CNTNAP5: variants seen among roughly 807,000 people sequenced by gnomAD.
The protein encoded by CNTNAP5 is contactin-associated protein-like 5.
Under a neutral mutation model 150.2 loss-of-function variants are expected in CNTNAP5, and 72 were observed. The observed-to-expected ratio is 0.48, with a 90% confidence interval of 0.40 to 0.58. CNTNAP5 has a LOEUF of 0.58. Ranked by LOEUF, CNTNAP5 falls within the 20% of genes least tolerant of loss-of-function variation. The pLI, the probability that CNTNAP5 is intolerant of heterozygous loss-of-function variation, is 0.00. For synonymous variants in CNTNAP5, 672 were observed against 619.8 expected (o/e 1.08, Z -1.25); for missense variants, 1,636 against 1,626.2 (o/e 1.01, Z -0.10).
chr2:124,307,754 C>T (rs1013749224), intron 3 of CNTNAP5, among the ~76,000 whole-genome samples: 2 of 152,154 alleles, frequency 1.3e-5, no homozygotes, highest in East Asian at 3.9e-4. Context: ...AGAAGAGATA[C>T]AGGTGGGGAA....
chr2:124,832,919 C>CTT (rs539240335), intron 19 of CNTNAP5, among the ~76,000 whole-genome samples: 1 of 143,204 alleles, frequency 7.0e-6, no homozygotes, highest in East Asian at 2.0e-4. Context: ...TTTTCTTTTC[C>CTT]TTTTTTTTTT....
Position 124,914,497 on chromosome 2 carries a change from C to A in CNTNAP5, c.*209C>A. 1 of 546,864 alleles carries A rather than the reference C, an allele frequency of 1.8e-6. No individual in the cohort carries two copies. 33.9% of individuals were successfully genotyped at this position (546,864 alleles called of 1,614,324 possible). On this transcript the variant is annotated 3_prime_UTR_variant, in exon 24 of 24. Transcript: ENST00000682447. ...GCCACTGCCTTCCTCTCTGATGAAC[C>A]TATCGGGTGAAAACGACCACTCAAG...
At chr2:124,749,375 C>G (rs891939445) in intron 14 of CNTNAP5, among the ~76,000 whole-genome samples, 1 of 148,408 alleles carries the variant, frequency 6.7e-6, no homozygotes, top group Non-Finnish European at 1.5e-5. Flanking sequence ...CCTTCCCTCT[C>G]TCCCTTCCTT....
chr2:124,605,809 CAAAAAAAAAA>C (rs36090348), intron 11 of CNTNAP5, among the ~76,000 whole-genome samples: 1 of 34,432 alleles, frequency 2.9e-5, no homozygotes, highest in Non-Finnish European at 5.1e-5. Context: ...AAGACTCTGT[CAAAAAAAAAA>C]AAAAAAAAAA....
intron 18 of CNTNAP5, among the ~76,000 whole-genome samples, chr2:124,793,074 C>G (rs536524789): frequency 5.9e-5 from 9 of 152,148 alleles, no homozygotes. Flanking sequence ...TTGTGTCAAA[C>G]GGTAACTATA....
intron 12 of CNTNAP5, among the ~76,000 whole-genome samples, chr2:124,647,439 A>C (rs1420544011): frequency 6.6e-6 from 1 of 152,026 alleles, no homozygotes; most frequent in Non-Finnish European, 1.5e-5. Context: ...TTTCTTTCAC[A>C]TTTTCCTCAT....
intron 17 of CNTNAP5, among the ~76,000 whole-genome samples, chr2:124,782,743 A>G (rs953304296): frequency 6.6e-6 from 1 of 152,238 alleles, no homozygotes; most frequent in Non-Finnish European, 1.5e-5. Context: ...CGAAACAGTT[A>G]AGAAGACTGT....
At chr2:124,417,259 T>C (rs889430352) in intron 3 of CNTNAP5, among the ~76,000 whole-genome samples, 184 bp from the exon 4 acceptor site, 1 of 152,144 alleles carries the variant, frequency 6.6e-6, no homozygotes, top group African/African-American at 2.4e-5. Flanking sequence ...TCTTAAAGAA[T>C]AATGTGAAGT....
At chr2:124,183,703 T>C (rs1286607078) in intron 1 of CNTNAP5, among the ~76,000 whole-genome samples, 2 of 152,198 alleles carry the variant, frequency 1.3e-5, no homozygotes, top group African/African-American at 4.8e-5. Context: ...ATAATGAAGT[T>C]GACTTACTTT....
At chr2:124,531,912 A>G (rs943083257) in intron 10 of CNTNAP5, among the ~76,000 whole-genome samples, 3 of 152,224 alleles carry the variant, frequency 2.0e-5, no homozygotes, top group African/African-American at 7.2e-5. Flanking sequence ...GTTGCCCTGA[A>G]CAGACACTCA....
At chr2:124,114,023 T>C (rs1683367844) in intron 1 of CNTNAP5, among the ~76,000 whole-genome samples, 1 of 152,030 alleles carries the variant, frequency 6.6e-6, no homozygotes, top group Non-Finnish European at 1.5e-5. Context: ...ATTACTGTAG[T>C]TATAATGATT....
intron 22 of CNTNAP5, among the ~76,000 whole-genome samples, chr2:124,910,355 A>G (rs1216160063): frequency 6.6e-6 from 1 of 152,138 alleles, no homozygotes; most frequent in East Asian, 1.9e-4. Context: ...AACAAGATTT[A>G]GTGAGCACTT....
At chr2:124,446,073 C>A (rs1420375938) in intron 5 of CNTNAP5, among the ~76,000 whole-genome samples, 1 of 151,982 alleles carries the variant, frequency 6.6e-6, no homozygotes, top group Non-Finnish European at 1.5e-5. Flanking sequence ...ACAGTATGAC[C>A]CGAGCCATGA....
intron 1 of CNTNAP5, among the ~76,000 whole-genome samples, chr2:124,157,493 C>A (rs1684574078): frequency 6.6e-6 from 1 of 152,074 alleles, no homozygotes; most frequent in Admixed American, 6.5e-5. Flanking sequence ...TTTCAGTATT[C>A]CATCTTTATG....
intron 13 of CNTNAP5, among the ~76,000 whole-genome samples, chr2:124,710,612 A>T (rs36054708): frequency 0.16 from 24,672 of 151,990 alleles, 2,256 homozygotes; most frequent in East Asian, 0.24. Context: ...AAGATATGGC[A>T]ATTTGCTTCC....
At chr2:124,801,103 T>C (rs986928813) in intron 19 of CNTNAP5, among the ~76,000 whole-genome samples, 1 of 152,164 alleles carries the variant, frequency 6.6e-6, no homozygotes, top group Non-Finnish European at 1.5e-5. Context: ...GATACCCTGA[T>C]TTAGAATCCT....
intron 8 of CNTNAP5, among the ~76,000 whole-genome samples, chr2:124,507,841 A>C (rs1694450845): frequency 6.6e-6 from 1 of 152,212 alleles, no homozygotes. Flanking sequence ...TTTCTTTCAC[A>C]AGCTTCCTCA....
chr2:124,095,390 T>A (rs1264216398), intron 1 of CNTNAP5, among the ~76,000 whole-genome samples: 3 of 152,100 alleles, frequency 2.0e-5, no homozygotes, highest in Non-Finnish European at 4.4e-5. Flanking sequence ...AAATATCTAA[T>A]GCATGCGGGT....
At chr2:124,355,286 T>A (rs74959981) in intron 3 of CNTNAP5, among the ~76,000 whole-genome samples, 13,810 of 152,246 alleles carry the variant, frequency 0.091, 792 homozygotes, top group East Asian at 0.17. Context: ...ATTTTTCACA[T>A]TTCTTTAAGG....
Sources: gnomAD v4.1 joint callset for allele counts (sites outside exome capture counted in the v4.1 genomes callset) on GRCh38, gnomAD v4.1.1 for gene constraint, MANE v1.5 for transcripts, NCBI Gene and HGNC (gene_info 2026-07-23, HGNC 2026-07-21) for gene names.